The following LTF variants were observed in gnomAD, a reference collection of about 807,000 sequenced individuals.
LTF encodes the protein lactotransferrin.
LTF carries 91 observed loss-of-function variants against 87.2 expected under a neutral mutation model. The ratio of observed to expected loss-of-function variants is 1.04; its 90% CI spans 0.88 to 1.24. The LOEUF is 1.24. Ranked by LOEUF, LTF falls within the 50% of genes most tolerant of loss-of-function variation. The probability of loss-of-function intolerance (pLI) is 0.00; values close to 1 mark genes in which losing one functional copy is unlikely to be tolerated. For synonymous variants in LTF, 378 were observed against 356.1 expected (o/e 1.06, Z -0.69); for missense variants, 901 against 904.3 (o/e 1.00, Z 0.05).
At chr3:46,472,521 TGTGTGTGAGA>T (rs1393310995) in intron 1 of LTF, among the ~76,000 whole-genome samples, 2 of 148,502 alleles carry the variant, frequency 1.3e-5, no homozygotes, top group South Asian at 2.1e-4. Context: ...TGTGTGTGTG[TGTGTGTGAGA>T]GAGAGAGAGA....
Position 46,473,668 on chromosome 3 carries a change from T to C in LTF, c.-319-3202A>G, listed in dbSNP as rs573394222. Among the ~76,000 whole-genome samples the C allele has an allele frequency of 5.1e-4, 78 of 152,312 alleles. 1 individual carries two copies. Among genetic ancestry groups the C allele is most frequent in the African/African-American group, 1.8e-3 (75 of 41,568 alleles). The stretch of plus-strand genomic sequence containing the variant: ...TCTTTGGATCTGGGCTGTACATCAT[T>C]CTCACCTCTGTGGCTCTCGTTACAT... On this transcript the variant is annotated intron_variant, in intron 1 of 19. Transcript: ENST00000443496.
chr3:46,476,957 G>A (rs187987266), intron 1 of LTF, among the ~76,000 whole-genome samples: 5 of 152,294 alleles, frequency 3.3e-5, no homozygotes, highest in Admixed American at 1.3e-4. Flanking sequence ...TATTTTGGTC[G>A]TTTCTAACTT....
At chr3:46,465,020 T>C (rs890775833), upstream of LTF, 10 of 745,958 alleles carry the variant, frequency 1.3e-5, no homozygotes, top group Admixed American at 1.9e-4. Flanking sequence ...TCCTTGAGGA[T>C]CCAGGCTCCG....
intron 1 of LTF, among the ~76,000 whole-genome samples, chr3:46,471,655 G>T (rs920933357): frequency 1.3e-5 from 2 of 152,196 alleles, no homozygotes; most frequent in East Asian, 3.9e-4. Flanking sequence ...GCCACCCGAT[G>T]GCCCCTACCT....
At chr3:46,453,510 C>A (rs778710632) in intron 6 of LTF, among the ~76,000 whole-genome samples, 1 of 151,490 alleles carries the variant, frequency 6.6e-6, no homozygotes, top group Non-Finnish European at 1.5e-5. Flanking sequence ...TGGGTGTTGT[C>A]TCTTTCTCTG....
In LTF at chr3:46,456,287, C is replaced by G. The variant is rs191273318; in HGVS notation, c.316+3G>C. On this transcript the variant is annotated splice_donor_region_variant and intron_variant, in intron 3 of 16. Coordinates refer to ENST00000231751, the MANE Select transcript of LTF (RefSeq NM_002343.6). Reference sequence around the variant, plus strand: ...GGCCTCTGGGTCCCCAGGCAGAACTCACGTCTTTCGGTCCCGTAGACTTCC... The same window carrying G: ...GGCCTCTGGGTCCCCAGGCAGAACTGACGTCTTTCGGTCCCGTAGACTTCC... The G allele has an allele frequency of 2.5e-6, 4 of 1,613,732 alleles. No homozygotes were observed. The highest frequency in any genetic ancestry group is 3.4e-6 in the Non-Finnish European group (4 of 1,179,674).
At chr3:46,454,565 C>T (rs935368737) in intron 5 of LTF, among the ~76,000 whole-genome samples, 1 of 152,172 alleles carries the variant, frequency 6.6e-6, no homozygotes, top group Non-Finnish European at 1.5e-5. Flanking sequence ...CCAGAGGCCC[C>T]CATCTTCTGC....
chr3:46,483,329 A>G (rs1330253159), intron 1 of LTF, among the ~76,000 whole-genome samples: 1 of 152,256 alleles, frequency 6.6e-6, no homozygotes, highest in African/African-American at 2.4e-5. Context: ...ATACATGTGT[A>G]CACCAAAAAC....
intron 13 of LTF, chr3:46,441,932 AGAGTGTGTGTGTGTGTGTGTGTGTGT>A (rs1299542639): frequency 7.8e-5 from 3 of 38,624 alleles, no homozygotes; most frequent in Admixed American, 3.3e-4. Flanking sequence ...AGAGAGAGAG[AGAGTGTGTGTGTGTGTGTGTGTGTGT>A]GTGTGTGTGT....
At chr3:46,453,570 T>C (rs941014565) in intron 6 of LTF, among the ~76,000 whole-genome samples, 2 of 152,000 alleles carry the variant, frequency 1.3e-5, no homozygotes, top group African/African-American at 4.8e-5. Context: ...TGAGTGAATG[T>C]GGGTGTCTGT....
rs1479566325 is a variant in LTF at position 46,449,972 on chromosome 3, C to T, written c.939G>A (p.Gly313=). ...AGTCCTTGAACAGCAGATCTTTCTG[C>T]CCACTAGGGGAGCCAAAGAGCTGGA... ...PKFQLFGSPS[G]QKDLLFKDSA... Residue 313 remains glycine, a synonymous_variant, in exon 8 of 17, where the codon GGG becomes GGA. Coordinates refer to ENST00000231751, the MANE Select transcript of LTF (RefSeq NM_002343.6). The T allele has an allele frequency of 1.2e-6, 2 of 1,613,992 alleles. No individual in the cohort carries two copies. Among genetic ancestry groups the T allele is most frequent in the Non-Finnish European group, 8.5e-7 (1 of 1,179,942 alleles).
intron 5 of LTF, 131 bp from the exon 6 acceptor site, chr3:46,454,491 G>T (rs1702877465): frequency 8.4e-6 from 7 of 835,714 alleles, no homozygotes; most frequent in South Asian, 7.2e-5. Flanking sequence ...AAGCTTTGGG[G>T]CATCCCAGCT....
intron 2 of LTF, among the ~76,000 whole-genome samples, chr3:46,458,578 G>GT (rs1559604737): frequency 6.6e-6 from 1 of 152,016 alleles, no homozygotes; most frequent in Admixed American, 6.5e-5. Flanking sequence ...TTTTGTTTTT[G>GT]TTTTTTGTTT....
chr3:46,455,283 AG>A lies in LTF; in HGVS notation c.647+11del, dbSNP rs1247022828. On this transcript the variant is annotated intron_variant, in intron 5 of 16. Transcript: ENST00000231751. ...ACTTGGCCACTGACGAGAAGGGGAC[AG>A]GGTCACTCACTTGAAGGCACCAGAG... 6.2e-7 allele frequency: 1 copy of A among 1,614,204 alleles called. No homozygotes were observed. The highest frequency in any genetic ancestry group is 2.2e-5 in the East Asian group (1 of 44,876).
chr3:46,440,548 T>A (rs1217310126), intron 14 of LTF, among the ~76,000 whole-genome samples: 1 of 152,266 alleles, frequency 6.6e-6, no homozygotes, highest in Non-Finnish European at 1.5e-5. Context: ...GGCTCCCGTT[T>A]GTCTCTCTGC....
chr3:46,470,294 AGC>A (rs1703266131), intron 2 of LTF: 1 of 152,296 alleles, frequency 6.6e-6, no homozygotes, highest in Non-Finnish European at 1.5e-5. Flanking sequence ...GCCCAAGGCC[AGC>A]CATGCAAATT....
intron 1 of LTF, among the ~76,000 whole-genome samples, chr3:46,477,121 T>G (rs538552721): frequency 1.3e-5 from 2 of 152,370 alleles, no homozygotes; most frequent in South Asian, 4.1e-4. Flanking sequence ...TTCCCACCAA[T>G]GTATATGAGA....
chr3:46,460,763 A>G (rs546742828), intron 1 of LTF, among the ~76,000 whole-genome samples: 87 of 152,278 alleles, frequency 5.7e-4, no homozygotes, highest in Non-Finnish European at 1.1e-3. Context: ...TTGGAAAGAA[A>G]GAAGTAAAAC....
chr3:46,452,620 C>G (rs1326205060), intron 6 of LTF, among the ~76,000 whole-genome samples: 2 of 152,164 alleles, frequency 1.3e-5, no homozygotes, highest in African/African-American at 4.8e-5. Context: ...CTCTTTCTCT[C>G]CACCAGATAG....
Sources: allele counts gnomAD v4.1 joint callset (sites outside exome capture counted in the v4.1 genomes callset), GRCh38; gene constraint gnomAD v4.1.1; transcripts MANE v1.5; gene names NCBI Gene and HGNC (gene_info 2026-07-23, HGNC 2026-07-21).